The following LRP1B variants were observed in gnomAD, a reference collection of about 807,000 sequenced individuals.
The protein encoded by LRP1B is low-density lipoprotein receptor-related protein 1B.
Under a neutral mutation model 556.6 loss-of-function variants are expected in LRP1B, and 217 were observed. The ratio of observed to expected loss-of-function variants is 0.39; its 90% CI spans 0.35 to 0.44. LRP1B has a LOEUF of 0.44. Among genes scored for constraint, LRP1B ranks in the 20% least tolerant of loss-of-function variants. LRP1B has a pLI of 1.00. For missense variants in LRP1B, 5,053 were observed against 5,620.8 expected, an observed-to-expected ratio of 0.90 and a Z score of 3.23; for synonymous variants, 2,047 against 1,865.8, an observed-to-expected ratio of 1.10 and a Z score of -2.50.
At chr2:141,135,175 GT>G (rs1357846594) in intron 7 of LRP1B, among the ~76,000 whole-genome samples, 1 of 151,694 alleles carries the variant, frequency 6.6e-6, no homozygotes, top group Non-Finnish European at 1.5e-5. Flanking sequence ...AATACTTTTA[GT>G]AAAAAATTCT....
intron 3 of LRP1B, among the ~76,000 whole-genome samples, chr2:141,460,074 T>C (rs2105040285): frequency 6.6e-6 from 1 of 152,290 alleles, no homozygotes; most frequent in Non-Finnish European, 1.5e-5. Flanking sequence ...AACCTAAATT[T>C]TAGCTGCTTC....
rs567041578 is a variant in LRP1B at position 140,543,859 on chromosome 2, T to A, written c.7195-1888A>T. ...AGGATACCAGGCTGTTATTAAAAAA[T>A]CAATTGTATTTCTGTATACTAGCTA... On this transcript the variant is annotated intron_variant, in intron 43 of 90. Coordinates refer to ENST00000389484, the MANE Select transcript of LRP1B (RefSeq NM_018557.3). 2.2e-3 allele frequency among the ~76,000 whole-genome samples: 341 copies of A among 152,104 alleles called. 1 individual carries two copies. Among genetic ancestry groups the A allele is most frequent in the Admixed American group, 3.7e-3 (56 of 15,244 alleles).
intron 2 of LRP1B, among the ~76,000 whole-genome samples, chr2:141,503,062 C>T (rs1253419358): frequency 6.7e-6 from 1 of 149,584 alleles, no homozygotes; most frequent in Non-Finnish European, 1.5e-5. Context: ...TTATTAGATA[C>T]ATATAAATAG....
At chr2:140,969,911 C>G (rs1354727447) in intron 18 of LRP1B, among the ~76,000 whole-genome samples, 1 of 152,182 alleles carries the variant, frequency 6.6e-6, no homozygotes, top group Non-Finnish European at 1.5e-5. Context: ...GATGGACTTC[C>G]CTTTGTGGGT....
Position 140,813,768 on chromosome 2 carries a change from T to C in LRP1B, c.5248A>G (p.Ile1750Val). The C allele has an allele frequency of 6.2e-7, 1 of 1,609,320 alleles. No individual in the cohort carries two copies. The highest frequency in any genetic ancestry group is 8.5e-7 in the Non-Finnish European group (1 of 1,175,898). Residue 1750 changes from isoleucine (I) to valine (V), a missense_variant, in exon 32 of 91, where the codon ATC becomes GTC. Physicochemically the swap from Ile to Val is conservative, Grantham distance 29 (BLOSUM62 3). This residue lies in a region of LRP1B where 3,619 missense variants were observed against 3,931.9 expected (regional missense o/e 0.92). Coordinates refer to ENST00000389484, the MANE Select transcript of LRP1B (RefSeq NM_018557.3). ...TTTATGGTTCCATTCCCTGAACTGA[T>C]CCAATAAAGCTTGTTTTCCACATAG... ...IDYVENKLYW[I>V]SSGNGTINRC... is the part of the protein sequence containing the mutation.
chr2:141,059,800 A>G (rs1699287904), intron 8 of LRP1B, among the ~76,000 whole-genome samples: 1 of 151,858 alleles, frequency 6.6e-6, no homozygotes, highest in South Asian at 2.1e-4. Flanking sequence ...TTGAACTTAG[A>G]AAGTTTTCCC....
At chr2:141,434,643 C>T (rs910135791) in intron 3 of LRP1B, among the ~76,000 whole-genome samples, 2 of 152,110 alleles carry the variant, frequency 1.3e-5, no homozygotes, top group Admixed American at 1.3e-4. Context: ...TTGTGTCACA[C>T]ATTTATGTTT....
intron 7 of LRP1B, among the ~76,000 whole-genome samples, chr2:141,143,848 T>TTC (rs1701716553): frequency 6.7e-6 from 1 of 148,238 alleles, no homozygotes; most frequent in South Asian, 2.1e-4. Context: ...TTTTTTTTTT[T>TTC]CCAGGGGATC....
chr2:141,796,575 A>ATTT (rs1695819165), intron 2 of LRP1B, among the ~76,000 whole-genome samples: 1 of 108,984 alleles, frequency 9.2e-6, no homozygotes, highest in Non-Finnish European at 1.8e-5. Flanking sequence ...ATAGCATTTT[A>ATTT]TTCTTTTTTT....
Position 142,031,332 on chromosome 2 carries a change from T to TA in LRP1B, c.82+99315_82+99316insT, listed in dbSNP as rs1435242464. Among the ~76,000 whole-genome samples the TA allele has an allele frequency of 2.9e-4, 36 of 122,514 alleles. 1 individual carries two copies. Among genetic ancestry groups the TA allele is most frequent in the Non-Finnish European group, 4.2e-4 (25 of 59,652 alleles). The allele number at this position is 122,514 out of a possible 152,430, so 80.4% of individuals were successfully genotyped here. ...TTAGAGAAAGGTTGATTATACTTAT[T>TA]TTTTTTTTTTTTTTTTATTATACTC... On this transcript the variant is annotated intron_variant, in intron 1 of 90. Transcript: ENST00000389484.
At chr2:141,713,759 C>T (rs1811414) in intron 2 of LRP1B, among the ~76,000 whole-genome samples, 149,702 of 152,316 alleles carry the variant, frequency 0.98, 73,630 homozygotes, top group East Asian at 1. Flanking sequence ...GTATTTTTCT[C>T]ATATGAGTCA....
At position 141,532,712 on chromosome 2, in the gene LRP1B, G is replaced by A. The variant is rs1684929092; in HGVS notation, c.206-52179C>T. On this transcript the variant is annotated intron_variant, in intron 2 of 90. Coordinates refer to ENST00000389484, the MANE Select transcript of LRP1B (RefSeq NM_018557.3). The stretch of plus-strand genomic sequence containing the variant: ...AGTCAAAAAACATTATAGGCTGGGT[G>A]CAGTGGCTCACACCTGTAATCCCAG... Among the ~76,000 whole-genome samples the A allele has an allele frequency of 2.0e-5, 3 of 152,042 alleles. No homozygotes were observed. The South Asian group carries it at 6.2e-4, about 31-fold the overall frequency.
chr2:142,078,218 C>G (rs996083289), intron 1 of LRP1B, among the ~76,000 whole-genome samples: 4 of 152,138 alleles, frequency 2.6e-5, no homozygotes, highest in African/African-American at 9.6e-5. Context: ...TCAACCTCCT[C>G]TGTTTGGGAA....
chr2:140,654,772 T>C (rs556557928), intron 41 of LRP1B, among the ~76,000 whole-genome samples: 1 of 152,248 alleles, frequency 6.6e-6, no homozygotes, highest in African/African-American at 2.4e-5. Flanking sequence ...TAAGTAAAAA[T>C]GGATTTATTT....
At chr2:142,029,406 T>C (rs1574611423) in intron 1 of LRP1B, among the ~76,000 whole-genome samples, 1 of 151,954 alleles carries the variant, frequency 6.6e-6, no homozygotes, top group Admixed American at 6.6e-5. Context: ...TGATTTTATG[T>C]ATCTCAGAAC....
rs764693452 is a variant in LRP1B at position 140,950,308 on chromosome 2, G to C, written c.3063C>G (p.Gly1021=). 6.2e-7 allele frequency: 1 copy of C among 1,612,768 alleles called. No individual in the cohort carries two copies. Among genetic ancestry groups the C allele is most frequent in the Admixed American group, 1.7e-5 (1 of 59,906 alleles). The change falls in exon 20 of 91, where the codon GGC becomes GGG. Residue 1021 remains glycine, a synonymous_variant. Coordinates refer to ENST00000389484, the MANE Select transcript of LRP1B (RefSeq NM_018557.3). ...CATTGTCACCATCACAGGCCCAGTG[G>C]CCTGGGATGCATCTGCCACTGGAAC... ...FRCSSGRCIP[G]HWACDGDNDC...
intron 3 of LRP1B, among the ~76,000 whole-genome samples, chr2:141,330,669 G>A (rs1333617625): frequency 6.6e-6 from 1 of 151,842 alleles, no homozygotes; most frequent in African/African-American, 2.4e-5. Flanking sequence ...GACAATATTA[G>A]CCGGTTTCCT....
intron 2 of LRP1B, among the ~76,000 whole-genome samples, chr2:141,645,426 G>A (rs1251191201): frequency 7.0e-6 from 1 of 143,846 alleles, no homozygotes; most frequent in African/African-American, 2.6e-5. Context: ...AAAGCAGTCA[G>A]TAGCAGACAT....
intron 2 of LRP1B, among the ~76,000 whole-genome samples, chr2:141,495,955 T>G (rs186280492): frequency 1.3e-5 from 2 of 152,110 alleles, no homozygotes; most frequent in Non-Finnish European, 2.9e-5. Flanking sequence ...ACAGAAAGAG[T>G]AATCCAGGGA....
Sources: gnomAD v4.1 joint callset for allele counts (sites outside exome capture counted in the v4.1 genomes callset) on GRCh38, gnomAD v4.1.1 for gene constraint, gnomAD v4.1.1 regional missense constraint, MANE v1.5 for transcripts, NCBI Gene and HGNC (gene_info 2026-07-23, HGNC 2026-07-21) for gene names.